Variants in HDAC4 observed in about 807,000 individuals in gnomAD.
The protein encoded by HDAC4 is histone deacetylase 4, also known as histone deacetylase A.
Under a neutral mutation model 135.1 loss-of-function variants are expected in HDAC4, and 16 were observed. That is an observed-to-expected ratio of 0.12 (90% confidence interval 0.08 to 0.18). The LOEUF is 0.18. Among genes scored for constraint, HDAC4 ranks in the 10% least tolerant of loss-of-function variants. The pLI is 1.00. For synonymous variants in HDAC4, 685 were observed against 653.4 expected (o/e 1.05, Z -0.74); for missense variants, 1,143 against 1,511.8 (o/e 0.76, Z 4.05).
In HDAC4 at chr2:239,057,289, G is replaced by T. The variant is rs565437665; in HGVS notation, c.3004-2456C>A. ...TTAATTGATTAGATCCTTAAAGATC[G>T]CAGTTACTGAAATGATCAGTTATAA... On this transcript the variant is annotated intron_variant, in intron 24 of 26. Transcript: ENST00000543185. Among the ~76,000 whole-genome samples, 3 of 152,062 alleles carry T rather than the reference G, an allele frequency of 2.0e-5. No homozygotes were observed. In the South Asian group the frequency reaches 6.2e-4, roughly 31 times the overall value.
chr2:239,131,723 A>C (rs1250388042), intron 11 of HDAC4, among the ~76,000 whole-genome samples: 1 of 152,254 alleles, frequency 6.6e-6, no homozygotes, highest in Non-Finnish European at 1.5e-5. Flanking sequence ...ACTCCAGGCC[A>C]GTGCCGCCCT....
intron 2 of HDAC4, among the ~76,000 whole-genome samples, chr2:239,342,174 T>C (rs1692338858): frequency 6.6e-6 from 1 of 152,008 alleles, no homozygotes; most frequent in South Asian, 2.1e-4. Context: ...AACAACCACA[T>C]TATGGAAGCA....
chr2:239,088,625 G>A lies in HDAC4; in HGVS notation c.2389-1011C>T, dbSNP rs58414083. On this transcript the variant is annotated intron_variant, in intron 18 of 26. Transcript: ENST00000543185. The stretch of plus-strand genomic sequence containing the variant: ...GGCGGGCAGGGAACAGCACCAGGGC[G>A]TGTGTGTGTGTGTGAGCAGCTTCTC... Among the ~76,000 whole-genome samples the A allele has an allele frequency of 5.9e-3, 892 of 151,692 alleles. 14 individuals carry two copies. The highest frequency in any genetic ancestry group is 0.021 in the African/African-American group (849 of 41,336).
At chr2:239,123,896 T>TC (rs1264190556) in intron 12 of HDAC4, among the ~76,000 whole-genome samples, 11 of 151,334 alleles carry the variant, frequency 7.3e-5, no homozygotes, top group Admixed American at 7.3e-4. Flanking sequence ...GTCTATCTCC[T>TC]CCCCAGTCCT....
intron 12 of HDAC4, among the ~76,000 whole-genome samples, chr2:239,124,063 T>C (rs750853227): frequency 6.6e-6 from 1 of 152,086 alleles, no homozygotes; most frequent in Non-Finnish European, 1.5e-5. Context: ...GAGAAATGAT[T>C]CCGTCTGTCG....
At chr2:239,242,581 C>T (rs1035652429) in intron 2 of HDAC4, among the ~76,000 whole-genome samples, 3 of 152,300 alleles carry the variant, frequency 2.0e-5, no homozygotes, top group East Asian at 1.9e-4. Flanking sequence ...AATCAGGTCA[C>T]GTACAAATAA....
At chr2:239,184,499 TGG>T (rs67387198) in intron 4 of HDAC4, among the ~76,000 whole-genome samples, 9 of 98,984 alleles carry the variant, frequency 9.1e-5, no homozygotes, top group African/African-American at 1.1e-4. Context: ...CTGTGCCCTA[TGG>T]GGGGGGGTCC....
intron 2 of HDAC4, among the ~76,000 whole-genome samples, chr2:239,350,707 T>C (rs531581983): frequency 2.2e-4 from 33 of 152,306 alleles, no homozygotes; most frequent in African/African-American, 6.3e-4. Flanking sequence ...TTTCACTATG[T>C]TGGTCAGAAT....
upstream of HDAC4, chr2:239,401,474 G>A (rs966092958): frequency 4.7e-5 from 8 of 170,144 alleles, no homozygotes; most frequent in African/African-American, 1.2e-4. Flanking sequence ...GGCCAGTAGT[G>A]GCCGTAAACA....
rs1305800400 is a variant in HDAC4, at chr2:239,307,636, C to T, written c.22+45042G>A. ...GGTTTTCCAAATAGCCAAACGACAACTCCTGCTCAAGAAAACGCATGCAAG... is the reference window on the plus strand; with the variant it reads ...GGTTTTCCAAATAGCCAAACGACAATTCCTGCTCAAGAAAACGCATGCAAG... On this transcript the variant is annotated intron_variant, in intron 2 of 26. Coordinates refer to ENST00000543185, the MANE Select transcript of HDAC4 (RefSeq NM_001378414.1). The surrounding 1 kb of genome is among the most constrained non-coding windows in gnomAD (Gnocchi z 4.8). Among the ~76,000 whole-genome samples, 2 of 152,240 alleles carry T rather than the reference C, an allele frequency of 1.3e-5. No homozygotes were observed. Among genetic ancestry groups the T allele is most frequent in the East Asian group, 1.9e-4 (1 of 5,194 alleles).
At chr2:239,092,890 C>T (rs186737555) in intron 17 of HDAC4, among the ~76,000 whole-genome samples, 3 of 152,018 alleles carry the variant, frequency 2.0e-5, no homozygotes, top group East Asian at 1.9e-4. Context: ...CTCTCTCTCT[C>T]GCTTCTCTCC....
chr2:239,088,650 C>CT (rs2036216146), intron 18 of HDAC4, among the ~76,000 whole-genome samples: 1 of 152,168 alleles, frequency 6.6e-6, no homozygotes, highest in African/African-American at 2.4e-5. Flanking sequence ...AGCAGCTTCT[C>CT]TTAACAATGT....
At chr2:239,358,693 G>C (rs909275414) in intron 1 of HDAC4, among the ~76,000 whole-genome samples, 1 of 152,314 alleles carries the variant, frequency 6.6e-6, no homozygotes, top group African/African-American at 2.4e-5. Context: ...ACATCACAAG[G>C]TGTATTTTAG....
intron 20 of HDAC4, 139 bp from the exon 21 acceptor site, chr2:239,082,360 G>A (rs770657977): frequency 1.5e-4 from 171 of 1,157,714 alleles, no homozygotes; most frequent in Admixed American, 4.6e-4. Context: ...AGCTGGGCCC[G>A]TACCCGGCAG....
chr2:239,160,029 T>C (rs1368487950), intron 6 of HDAC4, among the ~76,000 whole-genome samples: 3 of 152,222 alleles, frequency 2.0e-5, no homozygotes, highest in African/African-American at 7.2e-5. Context: ...TTCCAAACCA[T>C]TGCCCTTTCA....
chr2:239,093,050 C>T (rs1234671386), intron 17 of HDAC4, among the ~76,000 whole-genome samples: 1 of 152,106 alleles, frequency 6.6e-6, no homozygotes, highest in Non-Finnish European at 1.5e-5. Flanking sequence ...AGAGGAGCCG[C>T]GGGGAGCCGG....
At chr2:239,190,179 G>T (rs528392581) in intron 3 of HDAC4, 102 bp from the exon 4 acceptor site, 5 of 1,434,344 alleles carry the variant, frequency 3.5e-6, no homozygotes, top group Non-Finnish European at 3.7e-6. Context: ...CGGGGCGGGG[G>T]GGGGGTTGTG....
intron 3 of HDAC4, among the ~76,000 whole-genome samples, chr2:239,202,138 G>A (rs1349556686): frequency 6.6e-6 from 1 of 152,148 alleles, no homozygotes. Context: ...CTGTCTCCAT[G>A]CCCTCACCTC....
chr2:239,081,238 AC>A, intron 21 of HDAC4, 46 bp from the exon 22 acceptor site: 2 of 1,518,942 alleles, frequency 1.3e-6, no homozygotes, highest in East Asian at 2.3e-5. Flanking sequence ...CCCGAGCGGG[AC>A]CTGTCTGACA....
Sources: allele counts gnomAD v4.1 joint callset (sites outside exome capture counted in the v4.1 genomes callset), GRCh38; gene constraint gnomAD v4.1.1; non-coding constraint Gnocchi (gnomAD v3.1); transcripts MANE v1.5; gene names NCBI Gene and HGNC (gene_info 2026-07-23, HGNC 2026-07-21).